Variants in MTA1 observed in about 807,000 individuals in gnomAD.
MTA1 encodes the protein metastasis associated 1, also known as metastasis-associated protein MTA1.
In MTA1, 15 loss-of-function variants were observed where a neutral mutation model predicts 97.0. That is an observed-to-expected ratio of 0.15 (90% CI 0.10 to 0.24). The LOEUF (loss-of-function observed/expected upper bound fraction) is 0.24, where lower values mean the gene tolerates loss of function less well. Ranked by LOEUF, MTA1 falls within the 10% of genes least tolerant of loss-of-function variation. The pLI, the probability that MTA1 is intolerant of heterozygous loss-of-function variation, is 1.00. For missense variants in MTA1, 709 were observed against 1,015.1 expected (o/e 0.70, Z 4.10); for synonymous variants, 435 against 417.5 (o/e 1.04, Z -0.51).
chr14:105,438,864 G>A, intron 2 of MTA1, 125 bp downstream of exon 2: 1 of 908,324 alleles, frequency 1.1e-6, no homozygotes, highest in South Asian at 1.5e-5. Context: ...CCACTGCACA[G>A]GCCCTTCAGT....
chr14:105,432,215 CTATTGCTTTTTTA>C (rs1174489662), intron 1 of MTA1, among the ~76,000 whole-genome samples: 2 of 151,954 alleles, frequency 1.3e-5, no homozygotes, highest in Non-Finnish European at 2.9e-5. Flanking sequence ...TGGTGAAGTT[CTATTGCTTTTTTA>C]TTTTTATTTT....
chr14:105,464,154 G>A lies in MTA1; in HGVS notation c.1192+7G>A, dbSNP rs782743639. The A allele has an allele frequency of 5.0e-6, 8 of 1,606,264 alleles. No individual in the cohort carries two copies. The African/African-American group carries it at 5.4e-5, about 11-fold the overall frequency. Reference sequence around the variant, plus strand: ...GCCTGCGAGAGCTGTTACAGTAAGTGCCCTGGATGGCCGGGGGCACACCGC... The same window carrying A: ...GCCTGCGAGAGCTGTTACAGTAAGTACCCTGGATGGCCGGGGGCACACCGC... On this transcript the variant is annotated splice_region_variant and intron_variant, in intron 13 of 20. Transcript: ENST00000331320.
Position 105,460,816 on chromosome 14 carries a change from A to T in MTA1, c.805A>T (p.Ile269Phe). The T allele has an allele frequency of 1.2e-6, 2 of 1,610,782 alleles. No individual in the cohort carries two copies. The highest frequency in any genetic ancestry group is 1.7e-6 in the Non-Finnish European group (2 of 1,178,766). ...HKNIYDISKA[I>F]SALVPQGGPV... ...GAACATCTACGACATCTCCAAGGCC[A>T]TCTCGGCGCTGGTGCCGCAGGGCGG... Residue 269 changes from isoleucine to phenylalanine, a missense_variant, in exon 10 of 21, where the codon ATC becomes TTC. Physicochemically the swap from Ile to Phe is conservative, Grantham distance 21. Around this residue, in one of 2 missense-constraint regions of MTA1, gnomAD observed 321 missense variants for 593.5 expected, o/e 0.54. Coordinates refer to ENST00000331320, the MANE Select transcript of MTA1 (RefSeq NM_004689.4).
chr14:105,437,390 AGTGTCCTCATG>A, intron 1 of MTA1, among the ~76,000 whole-genome samples: 2 of 115,382 alleles, frequency 1.7e-5, no homozygotes, highest in African/African-American at 7.4e-5. Context: ...TCCTCATGGG[AGTGTCCTCATG>A]GGCGTGTGAC....
In MTA1 at chr14:105,450,083, C is replaced by T. The variant is rs4983409; in HGVS notation, c.267C>T (p.Asn89=). The change falls in exon 5 of 21, where the codon AAC becomes AAT. Residue 89 remains asparagine (N), a synonymous_variant. Coordinates refer to ENST00000331320, the MANE Select transcript of MTA1 (RefSeq NM_004689.4). ...EEGEIEEEME[N]PEMVDLPEKL... is the part of the protein sequence containing the mutation. ...GGGAAATAGAAGAGGAAATGGAGAACCCGGAAATGGTGGACCTGCCCGAGA... is the reference window on the plus strand; with the variant it reads ...GGGAAATAGAAGAGGAAATGGAGAATCCGGAAATGGTGGACCTGCCCGAGA... The T allele has an allele frequency of 1, 1,606,163 of 1,613,446 alleles. 799,704 individuals are homozygous for T. Among genetic ancestry groups the T allele is most frequent in the East Asian group, 1 (44,842 of 44,842 alleles).
chr14:105,453,593 T>A (rs2083028926), intron 6 of MTA1, among the ~76,000 whole-genome samples: 1 of 152,194 alleles, frequency 6.6e-6, no homozygotes, highest in South Asian at 2.1e-4. Flanking sequence ...GTGGATCACC[T>A]GAGCTCAGGA....
At chr14:105,458,862 C>T (rs1284834851) in intron 8 of MTA1, among the ~76,000 whole-genome samples, 4 of 152,206 alleles carry the variant, frequency 2.6e-5, no homozygotes, top group Admixed American at 6.5e-5. Context: ...CTCAGTTAGA[C>T]GCACACGGGT....
rs1327349848 is a variant in MTA1, at chr14:105,420,193, C to T, written c.28+130C>T. The stretch of plus-strand genomic sequence containing the variant: ...CGCCCGCCCTCGCGGCCCCCGGCTC[C>T]TTCCCGAACCGCCCCCCGCCGTGCT... On this transcript the variant is annotated intron_variant, in intron 1 of 20. Coordinates refer to ENST00000331320, the MANE Select transcript of MTA1 (RefSeq NM_004689.4). This position sits in a 1 kb window ranked among gnomAD's most constrained non-coding sequence, Gnocchi z 5.3. 2.6e-6 allele frequency: 1 copy of T among 387,538 alleles called. No individual in the cohort carries two copies. The highest frequency in any genetic ancestry group is 2.2e-5 in the African/African-American group (1 of 45,548). 24.0% of individuals were successfully genotyped at this position (387,538 alleles called of 1,614,324 possible).
intron 7 of MTA1, among the ~76,000 whole-genome samples, chr14:105,455,291 C>T (rs1464966607): frequency 1.3e-5 from 2 of 152,252 alleles, no homozygotes; most frequent in South Asian, 2.1e-4. Flanking sequence ...GGGTGCCCCA[C>T]CCTTGAGGCC....
rs1295336967 is a variant in MTA1 at position 105,468,378 on chromosome 14, C to A, written c.1814-1089C>A. 8 of 1,303,802 alleles carry A rather than the reference C, an allele frequency of 6.1e-6. No individual in the cohort carries two copies. The African/African-American group carries it at 9.1e-5, about 15-fold the overall frequency. 80.8% of individuals were successfully genotyped at this position (1,303,802 alleles called of 1,614,324 possible). A position where few individuals can be genotyped will look rare whatever the true frequency, so the allele number is the denominator to read the frequency against. On this transcript the variant is annotated intron_variant, in intron 18 of 20. Transcript: ENST00000331320. Reference sequence around the variant, plus strand: ...AGTAGTTTTTGTGCTACTGGCCAGCCCTGGGCGCTGGGCCTTGGCTTGTGG... The same window carrying A: ...AGTAGTTTTTGTGCTACTGGCCAGCACTGGGCGCTGGGCCTTGGCTTGTGG...
intron 16 of MTA1, 120 bp downstream of exon 16, chr14:105,465,303 G>T (rs1446068759): frequency 5.9e-6 from 5 of 840,630 alleles, no homozygotes; most frequent in Middle Eastern, 3.8e-4. Flanking sequence ...GCCCCCCAGG[G>T]CCTGGAACTG....
In MTA1 at chr14:105,469,497, T is replaced by C. The variant is rs782399184; in HGVS notation, c.1844T>C (p.Met615Thr). 2.5e-6 allele frequency: 4 copies of C among 1,612,464 alleles called. No individual in the cohort carries two copies. Among genetic ancestry groups the C allele is most frequent in the South Asian group, 1.1e-5 (1 of 91,086 alleles). ...GLANHGQARH[M>T]GPSRNLLLNG... ...GCAAACCACGGACAGGCCAGGCACA[T>C]GGTAAGAGGAACAACCCATGATGGG... Residue 615 changes from methionine to threonine, a missense_variant and splice_region_variant, in exon 19 of 21, where the codon ATG (methionine) becomes ACG (threonine). Coordinates refer to ENST00000331320, the MANE Select transcript of MTA1 (RefSeq NM_004689.4).
chr14:105,469,512 C>T lies in MTA1; in HGVS notation c.1845+14C>T, dbSNP rs2083741321. ...GCCAGGCACATGGTAAGAGGAACAA[C>T]CCATGATGGGGTACGGTGCGCTCAC... On this transcript the variant is annotated intron_variant, in intron 19 of 20. Transcript: ENST00000331320. 1.2e-6 allele frequency: 2 copies of T among 1,612,294 alleles called. No homozygotes were observed. Among genetic ancestry groups the T allele is most frequent in the East Asian group, 4.5e-5 (2 of 44,872 alleles).
intron 1 of MTA1, among the ~76,000 whole-genome samples, chr14:105,425,848 C>T (rs1191114970): frequency 3.9e-5 from 6 of 152,046 alleles, no homozygotes; most frequent in Admixed American, 3.9e-4. Flanking sequence ...AATGTGCCCC[C>T]GGCACCCCCG....
intron 6 of MTA1, among the ~76,000 whole-genome samples, chr14:105,451,350 T>C (rs587698440): frequency 4.6e-5 from 7 of 151,920 alleles, no homozygotes; most frequent in Admixed American, 4.6e-4. Context: ...TAGCTCAGAG[T>C]CATGAGCAGG....
intron 1 of MTA1, among the ~76,000 whole-genome samples, chr14:105,431,984 T>G (rs2082190547): frequency 6.6e-6 from 1 of 152,186 alleles, no homozygotes; most frequent in Non-Finnish European, 1.5e-5. Flanking sequence ...ACAGTGAACT[T>G]CATTTGACCT....
chr14:105,463,605 G>C lies in MTA1; in HGVS notation c.1076+54G>C. On this transcript the variant is annotated intron_variant, in intron 12 of 20. Coordinates refer to ENST00000331320, the MANE Select transcript of MTA1 (RefSeq NM_004689.4). The surrounding 1 kb of genome is among the most constrained non-coding windows in gnomAD (Gnocchi z 5.9). ...CGTGGCCCCGGGGGCCAGGGAGGGT[G>C]GGCACAGGGTGCTGGGGCCAGGCGG... 6.4e-7 allele frequency: 1 copy of C among 1,567,706 alleles called. No individual in the cohort carries two copies. Among genetic ancestry groups the C allele is most frequent in the Non-Finnish European group, 8.8e-7 (1 of 1,139,350 alleles).
Position 105,464,126 on chromosome 14 carries a change from C to A in MTA1, c.1171C>A (p.Arg391=). Residue 391 remains arginine (R), a synonymous_variant, in exon 13 of 21, where the codon CGG becomes AGG. Coordinates refer to ENST00000331320, the MANE Select transcript of MTA1 (RefSeq NM_004689.4). ...GCCGGGCCAGAGCCCTGGGGCTGGC[C>A]GGGCCTGCGAGAGCTGTTACAGTAA... ...GAPGQSPGAG[R]ACESCYTTQS... 6.2e-7 allele frequency: 1 copy of A among 1,610,550 alleles called. No homozygotes were observed. The highest frequency in any genetic ancestry group is 8.5e-7 in the Non-Finnish European group (1 of 1,179,288).
At chr14:105,429,250 G>A (rs1471510740) in intron 1 of MTA1, among the ~76,000 whole-genome samples, 2 of 152,070 alleles carry the variant, frequency 1.3e-5, no homozygotes, top group African/African-American at 2.4e-5. Flanking sequence ...TACTAAGGCC[G>A]TTCAGCTGTC....
Sources: gnomAD v4.1 joint callset for allele counts (sites outside exome capture counted in the v4.1 genomes callset) on GRCh38, gnomAD v4.1.1 for gene constraint, gnomAD v4.1.1 regional missense constraint, Gnocchi (gnomAD v3.1) non-coding constraint, MANE v1.5 for transcripts, NCBI Gene and HGNC (gene_info 2026-07-23, HGNC 2026-07-21) for gene names.